The following GDI2 variants were observed in gnomAD, a reference collection of about 807,000 sequenced individuals.
GDI2 encodes the protein rab GDP dissociation inhibitor beta.
Under a neutral mutation model 54.2 loss-of-function variants are expected in GDI2, and 22 were observed. That is an observed-to-expected ratio of 0.41 (90% CI 0.29 to 0.58). GDI2 has a LOEUF of 0.58. Ranked by LOEUF, GDI2 falls within the 20% of genes least tolerant of loss-of-function variation. The pLI is 0.35. For synonymous variants in GDI2, 177 were observed against 182.1 expected (o/e 0.97, Z 0.23); for missense variants, 422 against 546.0 (o/e 0.77, Z 2.26).
At chr10:5,808,123 GC>G (rs368953779) in intron 1 of GDI2, among the ~76,000 whole-genome samples, 2 of 152,240 alleles carry the variant, frequency 1.3e-5, no homozygotes, top group African/African-American at 4.8e-5. Context: ...AACTGCTTGA[GC>G]CCAGGAGTTT....
chr10:5,775,988 C>G, intron 6 of GDI2: 1 of 175,476 alleles, frequency 5.7e-6, no homozygotes. Flanking sequence ...ATCGCGCTTC[C>G]CTGCAGTCCC....
At chr10:5,804,939 T>G (rs1474345474) in intron 1 of GDI2, among the ~76,000 whole-genome samples, 1 of 151,776 alleles carries the variant, frequency 6.6e-6, no homozygotes, top group African/African-American at 2.4e-5. Flanking sequence ...GTTCAAGCGA[T>G]TCTCCTGCCT....
At chr10:5,810,589 A>G (rs1434604886) in intron 1 of GDI2, among the ~76,000 whole-genome samples, 2 of 152,230 alleles carry the variant, frequency 1.3e-5, no homozygotes, top group Non-Finnish European at 2.9e-5. Context: ...CGGGGTCTTC[A>G]TGGCTTCACC....
intron 1 of GDI2, among the ~76,000 whole-genome samples, chr10:5,810,360 T>A (rs141158921): frequency 3.9e-4 from 59 of 152,370 alleles, no homozygotes; most frequent in African/African-American, 1.2e-3. Flanking sequence ...TAATCTACTA[T>A]GTCTAACAAG....
intron 2 of GDI2, among the ~76,000 whole-genome samples, chr10:5,797,486 A>C (rs899360462): frequency 6.9e-6 from 1 of 143,982 alleles, no homozygotes; most frequent in Non-Finnish European, 1.5e-5. Context: ...CAGAGGTTGC[A>C]GTGAGCCGAG....
intron 1 of GDI2, among the ~76,000 whole-genome samples, chr10:5,804,175 C>A (rs1236802937): frequency 6.6e-6 from 1 of 151,860 alleles, no homozygotes; most frequent in East Asian, 1.9e-4. Flanking sequence ...CTCAATGCAA[C>A]CTTCACCTCC....
chr10:5,770,024 T>C (rs1225447243), intron 7 of GDI2, among the ~76,000 whole-genome samples: 1 of 152,226 alleles, frequency 6.6e-6, no homozygotes, highest in Non-Finnish European at 1.5e-5. Context: ...GGTCTATCTT[T>C]CCATACATTG....
At chr10:5,789,326 T>C (rs894300167) in intron 4 of GDI2, among the ~76,000 whole-genome samples, 37 of 151,970 alleles carry the variant, frequency 2.4e-4, no homozygotes, top group African/African-American at 8.7e-4. Flanking sequence ...TCTCGAACTC[T>C]CGGGCTCAAG....
intron 1 of GDI2, among the ~76,000 whole-genome samples, chr10:5,810,422 T>C (rs572941418): frequency 4.6e-5 from 7 of 152,276 alleles, no homozygotes; most frequent in Admixed American, 2.0e-4. Flanking sequence ...AATTATGTGG[T>C]GAGAGGCTGC....
Position 5,798,403 on chromosome 10 carries a change from C to T in GDI2, c.154-1541G>A, listed in dbSNP as rs148638866. 2.7e-3 allele frequency among the ~76,000 whole-genome samples: 408 copies of T among 150,910 alleles called. 1 individual carries two copies. The highest frequency in any genetic ancestry group is 8.8e-3 in the African/African-American group (362 of 41,070). ...AGGAGATCGAGACCAGCCTGATCAACATGGTGAAACCCCACCTCTACCAGA... is the reference window on the plus strand; with the variant it reads ...AGGAGATCGAGACCAGCCTGATCAATATGGTGAAACCCCACCTCTACCAGA... On this transcript the variant is annotated intron_variant, in intron 2 of 10. Coordinates refer to ENST00000380191, the MANE Select transcript of GDI2 (RefSeq NM_001494.4).
chr10:5,783,712 T>C (rs1840810439), intron 6 of GDI2, among the ~76,000 whole-genome samples: 1 of 152,232 alleles, frequency 6.6e-6, no homozygotes, highest in Admixed American at 6.5e-5. Context: ...TATGAAGCTC[T>C]GTTTCACTGG....
At chr10:5,784,843 A>G (rs1455993176) in intron 6 of GDI2, among the ~76,000 whole-genome samples, 1 of 152,202 alleles carries the variant, frequency 6.6e-6, no homozygotes, top group Non-Finnish European at 1.5e-5. Context: ...AGGGGTGTGA[A>G]GTAGATTCTG....
At position 5,785,277 on chromosome 10, in the gene GDI2, G is replaced by A; in HGVS notation, c.588-4C>T. Reference sequence around the variant, plus strand: ...ATAACACGGTTGATCTAAGTAACTGGAAGAAAGGAAATGAGTATTAGGAAA... The same window carrying A: ...ATAACACGGTTGATCTAAGTAACTGAAAGAAAGGAAATGAGTATTAGGAAA... On this transcript the variant is annotated splice_region_variant and splice_polypyrimidine_tract_variant and intron_variant, in intron 5 of 10. Coordinates refer to ENST00000380191, the MANE Select transcript of GDI2 (RefSeq NM_001494.4). 4 of 1,582,978 alleles carry A rather than the reference G, an allele frequency of 2.5e-6. No homozygotes were observed. The highest frequency in any genetic ancestry group is 3.5e-6 in the Non-Finnish European group (4 of 1,156,538).
chr10:5,808,311 C>T (rs866313598), intron 1 of GDI2, among the ~76,000 whole-genome samples: 5 of 146,016 alleles, frequency 3.4e-5, no homozygotes, highest in South Asian at 2.2e-4. Flanking sequence ...GGTAAGAGAC[C>T]GAGACCCTGT....
intron 1 of GDI2, among the ~76,000 whole-genome samples, chr10:5,802,225 T>C (rs1001517095): frequency 1.6e-4 from 25 of 152,242 alleles, no homozygotes; most frequent in East Asian, 5.8e-4. Flanking sequence ...ATTTAGGTAT[T>C]TGACATTTTC....
intron 6 of GDI2, among the ~76,000 whole-genome samples, chr10:5,777,748 C>G (rs988950442): frequency 2.0e-5 from 3 of 152,094 alleles, no homozygotes; most frequent in African/African-American, 7.2e-5. Context: ...GGATCTAGAA[C>G]CAGAAATACC....
rs1687616657 is a variant in GDI2 at position 5,767,249 on chromosome 10, G to A, written c.992-611C>T. On this transcript the variant is annotated intron_variant, in intron 8 of 10. Coordinates refer to ENST00000380191, the MANE Select transcript of GDI2 (RefSeq NM_001494.4). Reference sequence around the variant, plus strand: ...TCTTTTCAGACTTGCAAGGACCCAGGACCCGCCTGGGAACCTTGTGGAAGA... The same window carrying A: ...TCTTTTCAGACTTGCAAGGACCCAGAACCCGCCTGGGAACCTTGTGGAAGA... Among the ~76,000 whole-genome samples, 8 of 151,340 alleles carry A rather than the reference G, an allele frequency of 5.3e-5. No individual in the cohort carries two copies. The South Asian group carries it at 1.7e-3, about 32-fold the overall frequency.
intron 6 of GDI2, among the ~76,000 whole-genome samples, chr10:5,783,211 C>G (rs1840800637): frequency 6.6e-6 from 1 of 151,852 alleles, no homozygotes; most frequent in South Asian, 2.1e-4. Flanking sequence ...ATAAATTTAT[C>G]AAACTGATTT....
intron 2 of GDI2, among the ~76,000 whole-genome samples, chr10:5,797,540 T>C (rs1327584739): frequency 1.3e-5 from 1 of 79,018 alleles, no homozygotes; most frequent in African/African-American, 5.2e-5. Context: ...TGAGACTCCA[T>C]CTCAAAAAAA....
Sources: gnomAD v4.1 joint callset for allele counts (sites outside exome capture counted in the v4.1 genomes callset) on GRCh38, gnomAD v4.1.1 for gene constraint, MANE v1.5 for transcripts, NCBI Gene and HGNC (gene_info 2026-07-23, HGNC 2026-07-21) for gene names.